Variants in DAB1 observed in about 807,000 individuals in gnomAD.
DAB1 encodes the protein disabled homolog 1.
DAB1 carries 15 observed loss-of-function variants against 64.6 expected under a neutral mutation model. The observed-to-expected ratio is 0.23, with a 90% CI of 0.16 to 0.36. The LOEUF (loss-of-function observed/expected upper bound fraction) is 0.36. Ranked by LOEUF, DAB1 falls within the 10% of genes least tolerant of loss-of-function variation. The pLI is 1.00. For missense variants in DAB1, 596 were observed against 706.7 expected (o/e 0.84, Z 1.78); for synonymous variants, 235 against 251.9 (o/e 0.93, Z 0.64).
chr1:57,016,178 G>A (rs545888842), intron 11 of DAB1, among the ~76,000 whole-genome samples: 3 of 152,266 alleles, frequency 2.0e-5, no homozygotes, highest in South Asian at 4.1e-4. Context: ...ATAGAGGCTA[G>A]AAAGTTACTT....
At position 58,388,440 on chromosome 1, in the gene DAB1, C is replaced by T. The variant is rs1243701086; in HGVS notation, n.258-45037G>A. Among the ~76,000 whole-genome samples, 4 of 152,306 alleles carry T rather than the reference C, an allele frequency of 2.6e-5. No homozygotes were observed. The East Asian group carries it at 5.8e-4, about 22-fold the overall frequency. ...ACTCCACGGTCATGTAGTTCCTATC[C>T]TTTACCCTTCTTCCTGCCTGGAGTG... On this transcript the variant is annotated intron_variant and non_coding_transcript_variant, in intron 3 of 20. Transcript: ENST00000485760.
At chr1:57,158,822 A>G (rs1012900784) in intron 2 of DAB1, among the ~76,000 whole-genome samples, 3 of 152,184 alleles carry the variant, frequency 2.0e-5, no homozygotes, top group African/African-American at 7.2e-5. Flanking sequence ...TAAAAGGTAA[A>G]CTAATTAAAG....
At chr1:57,695,213 G>T (rs925601056) in intron 6 of DAB1, among the ~76,000 whole-genome samples, 3 of 149,904 alleles carry the variant, frequency 2.0e-5, no homozygotes, top group Non-Finnish European at 4.4e-5. Context: ...GACAGAGCAA[G>T]ACCCTGTTTC....
chr1:57,688,286 G>A (rs975839986), intron 6 of DAB1, among the ~76,000 whole-genome samples: 5 of 152,012 alleles, frequency 3.3e-5, no homozygotes, highest in Admixed American at 6.6e-5. Flanking sequence ...AAGAAGACAT[G>A]CAAGCAGCCA....
intron 7 of DAB1, among the ~76,000 whole-genome samples, chr1:57,514,435 T>A (rs1431595262): frequency 6.6e-6 from 1 of 152,364 alleles, no homozygotes; most frequent in East Asian, 1.9e-4. Context: ...TTTAGTCATG[T>A]TACTTTTGCT....
At chr1:57,114,809 A>T (rs147140032) in intron 4 of DAB1, among the ~76,000 whole-genome samples, 29 of 152,304 alleles carry the variant, frequency 1.9e-4, no homozygotes, top group African/African-American at 7.0e-4. Flanking sequence ...GATGAGTTGA[A>T]GCGGCAAGAC....
intron 11 of DAB1, among the ~76,000 whole-genome samples, chr1:57,022,975 T>G (rs1646668986): frequency 6.6e-6 from 1 of 152,238 alleles, no homozygotes. Flanking sequence ...GTAAATACAT[T>G]TAAAGACTAT....
chr1:57,026,771 A>G (rs1450714639), intron 9 of DAB1, among the ~76,000 whole-genome samples: 1 of 152,214 alleles, frequency 6.6e-6, no homozygotes, highest in Admixed American at 6.5e-5. Flanking sequence ...CAGACACTGC[A>G]TCATCTCTCT....
In DAB1 at chr1:57,801,999, T is replaced by C. The variant is rs915942096; in HGVS notation, n.551+82000A>G. Among the ~76,000 whole-genome samples, 7 of 152,186 alleles carry C rather than the reference T, an allele frequency of 4.6e-5. No homozygotes were observed. The East Asian group carries it at 1.3e-3, about 29-fold the overall frequency. On this transcript the variant is annotated intron_variant and non_coding_transcript_variant, in intron 6 of 20. Coordinates refer to the DAB1 transcript ENST00000485760. ...TTTCACACCAGTCACAGGTAGAGACTATTGGGGTGCACACCCTTTTGGCTA... is the reference window on the plus strand; with the variant it reads ...TTTCACACCAGTCACAGGTAGAGACCATTGGGGTGCACACCCTTTTGGCTA...
chr1:57,943,674 G>A (rs139097074), intron 5 of DAB1, among the ~76,000 whole-genome samples: 146 of 152,290 alleles, frequency 9.6e-4, no homozygotes, highest in Non-Finnish European at 1.7e-3. Context: ...CCCTCATCCA[G>A]AATGGCCATA....
intron 4 of DAB1, among the ~76,000 whole-genome samples, chr1:58,322,272 G>A (rs187440953): frequency 3.3e-4 from 50 of 152,254 alleles, no homozygotes; most frequent in African/African-American, 1.2e-3. Flanking sequence ...CTGCTGCATA[G>A]CAAAAGAAAC....
intron 6 of DAB1, among the ~76,000 whole-genome samples, chr1:57,728,091 G>A (rs954331746): frequency 1.3e-5 from 2 of 152,118 alleles, no homozygotes; most frequent in African/African-American, 4.8e-5. Context: ...GATATTGATG[G>A]TCTACCAAAG....
chr1:58,235,036 T>C (rs1659954196), intron 4 of DAB1, among the ~76,000 whole-genome samples: 1 of 152,258 alleles, frequency 6.6e-6, no homozygotes, highest in African/African-American at 2.4e-5. Context: ...GCCTTGTCTC[T>C]AATTAGTGTA....
chr1:57,341,851 T>A (rs1040834401), intron 1 of DAB1, among the ~76,000 whole-genome samples: 1 of 152,184 alleles, frequency 6.6e-6, no homozygotes, highest in Non-Finnish European at 1.5e-5. Context: ...AACCTCCTTT[T>A]GATGCTATAG....
chr1:57,032,453 C>T (rs916393277), intron 9 of DAB1, among the ~76,000 whole-genome samples: 1 of 152,084 alleles, frequency 6.6e-6, no homozygotes, highest in Non-Finnish European at 1.5e-5. Context: ...GCTCCTCCTC[C>T]CACCTAGAAC....
intron 6 of DAB1, among the ~76,000 whole-genome samples, chr1:57,695,926 A>C (rs151050267): frequency 6.6e-6 from 1 of 152,238 alleles, no homozygotes; most frequent in East Asian, 1.9e-4. Flanking sequence ...AGGCAAATGG[A>C]GACCAGTTAG....
At chr1:57,378,288 C>T (rs1489492801) in intron 1 of DAB1, among the ~76,000 whole-genome samples, 6 of 152,212 alleles carry the variant, frequency 3.9e-5, no homozygotes, top group Non-Finnish European at 8.8e-5. Context: ...TTATCACCCA[C>T]ATTCCCAAGG....
At chr1:57,890,191 G>A (rs1644289916) in intron 5 of DAB1, among the ~76,000 whole-genome samples, 1 of 152,136 alleles carries the variant, frequency 6.6e-6, no homozygotes, top group African/African-American at 2.4e-5. Flanking sequence ...CAGATCTGTA[G>A]TGTGGAAACG....
At chr1:57,998,007 G>C (rs188793386) in intron 5 of DAB1, among the ~76,000 whole-genome samples, 1 of 152,158 alleles carries the variant, frequency 6.6e-6, no homozygotes, top group African/African-American at 2.4e-5. Context: ...CCTCTATTCT[G>C]CCTGTCTTCT....
Sources: allele counts gnomAD v4.1 joint callset (sites outside exome capture counted in the v4.1 genomes callset), GRCh38; gene constraint gnomAD v4.1.1; transcripts MANE v1.5; gene names NCBI Gene and HGNC (gene_info 2026-07-23, HGNC 2026-07-21).